Variants in FBXL22 observed in about 807,000 individuals in gnomAD.
FBXL22 encodes F-box and leucine rich repeat protein 22.
A neutral mutation model predicts 11.7 loss-of-function variants in FBXL22; 13 were observed. The ratio of observed to expected loss-of-function variants is 1.11; its 90% CI spans 0.73 to 1.77. The LOEUF (loss-of-function observed/expected upper bound fraction) is 1.77, where lower values mean the gene tolerates loss of function less well. Ranked by LOEUF, FBXL22 falls within the 40% of genes most tolerant of loss-of-function variation. FBXL22 has a pLI of 0.00. For synonymous variants in FBXL22, 160 were observed against 144.1 expected, an observed-to-expected ratio of 1.11 and a Z score of -0.79; for missense variants, 406 against 320.4, an observed-to-expected ratio of 1.27 and a Z score of -2.04.
chr15:63,602,933 C>T (rs1024579650), downstream of FBXL22, among the ~76,000 whole-genome samples: 1 of 152,204 alleles, frequency 6.6e-6, no homozygotes, highest in Non-Finnish European at 1.5e-5. Flanking sequence ...TGCTTTTAAA[C>T]TTTTTTCCCA....
intron 1 of FBXL22, 84 bp from the exon 2 acceptor site, chr15:63,600,613 G>C: frequency 8.1e-7 from 1 of 1,230,476 alleles, no homozygotes; most frequent in Non-Finnish European, 1.0e-6. Context: ...GTCCTCCTCG[G>C]TAAATGAGTC....
Position 63,597,570 on chromosome 15 carries a change from C to T in FBXL22, c.178C>T (p.Leu60Phe), listed in dbSNP as rs771702023. 4 of 1,614,076 alleles carry T rather than the reference C, an allele frequency of 2.5e-6. No individual in the cohort carries two copies. Among genetic ancestry groups the T allele is most frequent in the Non-Finnish European group, 3.4e-6 (4 of 1,180,060 alleles). Residue 60 changes from leucine (L) to phenylalanine (F), a missense_variant, in exon 1 of 2, where the codon CTC (leucine) becomes TTC (phenylalanine). By Grantham distance (22) the Leu-to-Phe change is conservative. Transcript: ENST00000638704. The surrounding 1 kb of genome is among the most constrained non-coding windows in gnomAD (Gnocchi z 4.3). The part of the protein sequence containing the change: ...SLLHFRSLTE[L>F]QKDNFLLGPA... Reference sequence around the variant, plus strand: ...GCTGCACTTCCGTTCCCTCACTGAACTCCAGAAGGACAACTTCCTCCTGGG... The same window carrying T: ...GCTGCACTTCCGTTCCCTCACTGAATTCCAGAAGGACAACTTCCTCCTGGG...
chr15:63,602,154 A>G (rs577695754), downstream of FBXL22: 11 of 158,176 alleles, frequency 7.0e-5, no homozygotes, highest in South Asian at 2.2e-3. Context: ...TCTGTGTGAA[A>G]GAGGAGCTTG....
intron 1 of FBXL22, among the ~76,000 whole-genome samples, chr15:63,598,376 T>C (rs2067307063): frequency 6.6e-6 from 1 of 152,198 alleles, no homozygotes; most frequent in Non-Finnish European, 1.5e-5. Context: ...CAGTTAAATA[T>C]GAATTTCAGA....
At position 63,597,733 on chromosome 15, in the gene FBXL22, G is replaced by A. The variant is rs372149528; in HGVS notation, c.341G>A (p.Arg114Gln). 93 of 1,582,022 alleles carry A rather than the reference G, an allele frequency of 5.9e-5. No homozygotes were observed. Among genetic ancestry groups the A allele is most frequent in the African/African-American group, 1.9e-4 (14 of 74,640 alleles). The change falls in exon 1 of 2, where the codon CGG (arginine) becomes CAG (glutamine). Residue 114 changes from arginine to glutamine, a missense_variant. Arg to Gln is a conservative substitution (Grantham distance 43, BLOSUM62 1). Transcript: ENST00000638704. The surrounding 1 kb of genome is among the most constrained non-coding windows in gnomAD (Gnocchi z 4.3). ...HESLVNDFLL[R>Q]VCDRCPNLAS... ...AGCCTGGTCAATGATTTCCTCCTCCGGGTGTGCGACAGGTAGGCCACCTTG... is the reference window on the plus strand; with the variant it reads ...AGCCTGGTCAATGATTTCCTCCTCCAGGTGTGCGACAGGTAGGCCACCTTG...
intron 1 of FBXL22, 197 bp from the exon 2 acceptor site, chr15:63,600,500 G>A: frequency 8.2e-7 from 1 of 1,226,924 alleles, no homozygotes; most frequent in Non-Finnish European, 1.0e-6. Flanking sequence ...AGGTACGGTG[G>A]GGTGCAGGGG....
rs2067361007 is a variant in FBXL22 at position 63,600,951 on chromosome 15, G to A, written c.608G>A (p.Arg203Gln). 8.3e-7 allele frequency: 1 copy of A among 1,198,000 alleles called. No individual in the cohort carries two copies. Among genetic ancestry groups the A allele is most frequent in the African/African-American group, 1.6e-5 (1 of 62,816 alleles). 74.2% of individuals were successfully genotyped at this position (1,198,000 alleles called of 1,614,324 possible). ...GCCGCGTGCCCGCGCCTGGCCCTGC[G>A]GGCAGAGCACAGCGCCGCCATGCTG... is the stretch of plus-strand genomic sequence containing the variant. ...LRAACPRLAL[R>Q]AEHSAAMLPD... Residue 203 changes from arginine to glutamine, a missense_variant, in exon 2 of 2, where the codon CGG (arginine) becomes CAG (glutamine). Transcript: ENST00000638704.
At position 63,597,452 on chromosome 15, in the gene FBXL22, C is replaced by G. The variant is rs201716646; in HGVS notation, c.60C>G (p.Leu20=). ...TQLNRECLLH[L]FSFLDKDSRK... is the part of the protein sequence containing the mutation. Reference sequence around the variant, plus strand: ...TCAACCGGGAGTGCCTGCTGCACCTCTTCTCCTTCCTAGACAAGGACAGCA... The same window carrying G: ...TCAACCGGGAGTGCCTGCTGCACCTGTTCTCCTTCCTAGACAAGGACAGCA... Residue 20 remains leucine (L), a synonymous_variant, in exon 1 of 2, where the codon CTC becomes CTG. Coordinates refer to ENST00000638704, the MANE Select transcript of FBXL22 (RefSeq NM_001367807.1). The surrounding 1 kb of genome is among the most constrained non-coding windows in gnomAD (Gnocchi z 4.3). The G allele has an allele frequency of 4.8e-5, 77 of 1,613,940 alleles. No individual in the cohort carries two copies. In the Admixed American group the frequency reaches 5.0e-4, roughly 10 times the overall value.
At position 63,597,801 on chromosome 15, in the gene FBXL22, TG is replaced by T. The variant is rs573827635; in HGVS notation, c.353+62del. On this transcript the variant is annotated intron_variant, in intron 1 of 1. Transcript: ENST00000638704. The surrounding 1 kb of genome is among the most constrained non-coding windows in gnomAD (Gnocchi z 4.3). ...GCCCCGCTAGCTCTGGCTTCCCTCT[TG>T]GGGGGCAGGGAAGAGCAAATTACGA... The T allele has an allele frequency of 8.4e-5, 125 of 1,486,968 alleles. No homozygotes were observed. Among genetic ancestry groups the T allele is most frequent in the Non-Finnish European group, 9.7e-5 (108 of 1,110,938 alleles). The allele number at this position is 1,486,968 out of a possible 1,614,324, so 92.1% of individuals were successfully genotyped here.
chr15:63,603,368 A>C (rs1458255302), downstream of FBXL22, among the ~76,000 whole-genome samples: 1 of 152,220 alleles, frequency 6.6e-6, no homozygotes, highest in African/African-American at 2.4e-5. Context: ...AGTTACTTTA[A>C]ATAGCAATCT....
In FBXL22 at chr15:63,601,168, G is replaced by A. The variant is rs541345556; in HGVS notation, c.*129G>A. 1.9e-3 allele frequency: 2,698 copies of A among 1,443,022 alleles called. 6 individuals carry two copies. Among genetic ancestry groups the A allele is most frequent in the South Asian group, 2.3e-3 (162 of 69,082 alleles). 89.4% of individuals were successfully genotyped at this position (1,443,022 alleles called of 1,614,324 possible). On this transcript the variant is annotated 3_prime_UTR_variant, in exon 2 of 2. Coordinates refer to ENST00000638704, the MANE Select transcript of FBXL22 (RefSeq NM_001367807.1). ...TCATTTTCCCCGTCTGCACAGTGGGGATAAGAAAGCCTACCTCACGTTACG... is the reference window on the plus strand; with the variant it reads ...TCATTTTCCCCGTCTGCACAGTGGGAATAAGAAAGCCTACCTCACGTTACG...
At position 63,597,698 on chromosome 15, in the gene FBXL22, C is replaced by A; in HGVS notation, c.306C>A (p.Ser102Arg). 6.3e-7 allele frequency: 1 copy of A among 1,599,218 alleles called. No individual in the cohort carries two copies. Among genetic ancestry groups the A allele is most frequent in the Non-Finnish European group, 8.5e-7 (1 of 1,169,854 alleles). ...LKSAFQRSICSRHESLVNDFL... is the reference protein window; with the variant it reads ...LKSAFQRSICRRHESLVNDFL... The stretch of plus-strand genomic sequence containing the variant: ...GTGCCTTCCAGAGAAGCATCTGCAG[C>A]CGGCACGAGAGCCTGGTCAATGATT... Residue 102 changes from serine to arginine, a missense_variant, in exon 1 of 2, where the codon AGC becomes AGA. Transcript: ENST00000638704. The surrounding 1 kb of genome is among the most constrained non-coding windows in gnomAD (Gnocchi z 4.3).
chr15:63,598,869 TG>T (rs2067318079), intron 1 of FBXL22, among the ~76,000 whole-genome samples: 1 of 152,082 alleles, frequency 6.6e-6, no homozygotes, highest in African/African-American at 2.4e-5. Flanking sequence ...GGGTGGGGGT[TG>T]GGGGGAGGCG....
chr15:63,600,180 C>T (rs1037439489), intron 1 of FBXL22: 51 of 985,922 alleles, frequency 5.2e-5, no homozygotes, highest in Non-Finnish European at 6.0e-5. Context: ...TCAATGCTAA[C>T]GCGTGCCCCC....
chr15:63,607,723 T>C, the FBXL22 span, among the ~76,000 whole-genome samples: 8 of 152,352 alleles, frequency 5.3e-5, 1 homozygote, highest in African/African-American at 1.9e-4. Flanking sequence ...GGCACCTCAT[T>C]TGAGCAGGCT....
the FBXL22 span, among the ~76,000 whole-genome samples, chr15:63,607,840 A>C: frequency 6.6e-6 from 1 of 152,106 alleles, no homozygotes; most frequent in Non-Finnish European, 1.5e-5. Context: ...CTTCCTGCAC[A>C]CACTCCAAGA....
At chr15:63,605,010 C>T (rs1479152828), downstream of FBXL22, among the ~76,000 whole-genome samples, 1 of 152,128 alleles carries the variant, frequency 6.6e-6, no homozygotes, top group Non-Finnish European at 1.5e-5. Context: ...CGAGATCGGG[C>T]CACTGCACTC....
At chr15:63,606,100 A>G (rs1395448253), downstream of FBXL22, among the ~76,000 whole-genome samples, 2 of 152,212 alleles carry the variant, frequency 1.3e-5, no homozygotes, top group Non-Finnish European at 2.9e-5. Context: ...AGAGGCTCCC[A>G]GTTCTAGTCG....
intron 1 of FBXL22, chr15:63,599,923 G>A (rs371146350): frequency 5.1e-6 from 5 of 985,646 alleles, no homozygotes; most frequent in East Asian, 2.3e-4. Flanking sequence ...GGAAATGAAG[G>A]CTCCGTGAGT....
Sources: allele counts gnomAD v4.1 joint callset (sites outside exome capture counted in the v4.1 genomes callset), GRCh38; gene constraint gnomAD v4.1.1; non-coding constraint Gnocchi (gnomAD v3.1); transcripts MANE v1.5; gene names NCBI Gene and HGNC (gene_info 2026-07-23, HGNC 2026-07-21).